CHIA: variants seen among roughly 807,000 people sequenced by gnomAD.
The protein encoded by CHIA is chitinase acidic, also known as acidic mammalian chitinase.
CHIA carries 47 observed loss-of-function variants against 53.5 expected under a neutral mutation model. The observed-to-expected ratio is 0.88, with a 90% CI of 0.70 to 1.12. CHIA has a LOEUF of 1.12. Among genes scored for constraint, CHIA ranks in the 50% most tolerant of loss-of-function variants. The probability of loss-of-function intolerance (pLI) is 0.00; values close to 1 mark genes in which losing one functional copy is unlikely to be tolerated. For missense variants in CHIA, 652 were observed against 592.2 expected (o/e 1.10, Z -1.05); for synonymous variants, 268 against 222.2 (o/e 1.21, Z -1.83).
intron 1 of CHIA, 95 bp downstream of exon 1, chr1:111,291,045 A>T (rs1470885520): frequency 3.3e-6 from 1 of 303,750 alleles, no homozygotes; most frequent in Non-Finnish European, 6.5e-6. Context: ...GTTGTTTATT[A>T]TATCGTTTGC....
chr1:111,291,318 A>T (rs775277142), intron 1 of CHIA, among the ~76,000 whole-genome samples: 2 of 152,232 alleles, frequency 1.3e-5, no homozygotes, highest in Non-Finnish European at 2.9e-5. Flanking sequence ...ACATCACGGA[A>T]TACTATGCAG....
intron 6 of CHIA, chr1:111,317,177 A>C (rs141526770): frequency 8.7e-4 from 137 of 157,338 alleles, no homozygotes; most frequent in Middle Eastern, 3.4e-3. Flanking sequence ...ACTCCAAATG[A>C]GATTACAGTC....
At chr1:111,313,422 C>G (rs1648870945) in intron 4 of CHIA, among the ~76,000 whole-genome samples, 1 of 152,060 alleles carries the variant, frequency 6.6e-6, no homozygotes, top group Non-Finnish European at 1.5e-5. Context: ...ATTTTTTATA[C>G]ACTTGTTGAC....
intron 1 of CHIA, among the ~76,000 whole-genome samples, chr1:111,307,590 GT>G (rs1648285064): frequency 6.6e-6 from 1 of 151,546 alleles, no homozygotes; most frequent in Admixed American, 6.6e-5. Flanking sequence ...AATAGTCAAA[GT>G]TAATGTTATT....
chr1:111,310,280 G>A, intron 1 of CHIA, 120 bp from the exon 2 acceptor site: 4 of 1,167,778 alleles, frequency 3.4e-6, no homozygotes, highest in Non-Finnish European at 4.6e-6. Flanking sequence ...AGAGAAGGTG[G>A]TGATGCTGGT....
chr1:111,310,264 T>A, intron 1 of CHIA, 136 bp from the exon 2 acceptor site: 1 of 1,024,204 alleles, frequency 9.8e-7, no homozygotes, highest in Non-Finnish European at 1.4e-6. Context: ...TCTGTCCTTG[T>A]TGGGCAGAGA....
rs200134913 is a variant in CHIA, at chr1:111,318,017, G to A, written c.637G>A (p.Asp213Asn). 22 of 1,614,056 alleles carry A rather than the reference G, an allele frequency of 1.4e-5. 1 individual carries two copies. In the East Asian group the frequency reaches 2.2e-4, roughly 16 times the overall value. ...YLDYIHVMTY[D>N]LHGSWEGYTG... is the part of the protein sequence containing the mutation. ...GGACTACATCCATGTCATGACCTAC[G>A]ACCTCCATGGCTCCTGGGAGGGCTA... The change falls in exon 8 of 12, where the codon GAC becomes AAC. Residue 213 changes from aspartate (D) to asparagine (N), a missense_variant. Coordinates refer to ENST00000369740, the MANE Select transcript of CHIA (RefSeq NM_201653.4).
chr1:111,299,044 G>A (rs984617080), intron 1 of CHIA, among the ~76,000 whole-genome samples: 93 of 152,130 alleles, frequency 6.1e-4, no homozygotes, highest in African/African-American at 2.1e-3. Context: ...CCAGGAAGAA[G>A]TGGAATCTCT....
chr1:111,305,596 C>T (rs1290279754), intron 1 of CHIA, among the ~76,000 whole-genome samples: 1 of 152,188 alleles, frequency 6.6e-6, no homozygotes, highest in East Asian at 1.9e-4. Context: ...AAATTAACTT[C>T]AATTTACCTA....
chr1:111,317,556 G>A (rs148354728), intron 6 of CHIA, 125 bp from the exon 7 acceptor site: 11,712 of 1,098,816 alleles, frequency 0.011, 89 homozygotes, highest in South Asian at 0.011. Flanking sequence ...AGAGACTAAA[G>A]TAAAATAAAA....
At chr1:111,301,302 T>A (rs185913779) in intron 1 of CHIA, among the ~76,000 whole-genome samples, 2 of 152,326 alleles carry the variant, frequency 1.3e-5, no homozygotes, top group African/African-American at 4.8e-5. Context: ...GCGGCACTAT[T>A]CACAATAGCA....
intron 6 of CHIA, chr1:111,315,849 C>T (rs1468641601): frequency 4.5e-6 from 2 of 448,598 alleles, no homozygotes; most frequent in Non-Finnish European, 8.9e-6. Flanking sequence ...CTAAGCATTA[C>T]ACTAGGCTGC....
At chr1:111,314,436 G>A (rs758134846) in intron 4 of CHIA, 104 bp from the exon 5 acceptor site, 9 of 749,524 alleles carry the variant, frequency 1.2e-5, no homozygotes, top group South Asian at 1.9e-5. Context: ...TCTACAAAAG[G>A]CAAAACAAAA....
intron 5 of CHIA, 48 bp from the exon 6 acceptor site, chr1:111,315,222 T>A (rs1380839203): frequency 7.0e-7 from 1 of 1,427,560 alleles, no homozygotes; most frequent in Non-Finnish European, 9.8e-7. Flanking sequence ...TACTCCAAGG[T>A]GTTGGGACCA....
chr1:111,309,259 C>T (rs550041128), intron 1 of CHIA, among the ~76,000 whole-genome samples: 5 of 152,294 alleles, frequency 3.3e-5, no homozygotes, highest in Non-Finnish European at 7.4e-5. Flanking sequence ...CTTAACCTAC[C>T]AATCACAGGA....
chr1:111,318,649 A>G lies in CHIA; in HGVS notation c.886A>G (p.Lys296Glu). The G allele has an allele frequency of 1.2e-6, 2 of 1,614,090 alleles. No homozygotes were observed. Among genetic ancestry groups the G allele is most frequent in the East Asian group, 2.2e-5 (1 of 44,882 alleles). ...SGAGPAGPYA[K>E]ESGIWAYYEI... Reference sequence around the variant, plus strand: ...TGCTGGTCCTGCTGGGCCCTATGCCAAGGAGTCTGGGATCTGGGCTTACTA... The same window carrying G: ...TGCTGGTCCTGCTGGGCCCTATGCCGAGGAGTCTGGGATCTGGGCTTACTA... The change falls in exon 9 of 12, where the codon AAG becomes GAG. Residue 296 changes from lysine to glutamate, a missense_variant. Physicochemically the swap from Lys to Glu is moderately conservative, Grantham distance 56. Transcript: ENST00000369740.
intron 5 of CHIA, chr1:111,314,901 C>T (rs1649020959): frequency 5.0e-6 from 2 of 398,464 alleles, no homozygotes; most frequent in African/African-American, 2.0e-5. Flanking sequence ...TGTTATAATG[C>T]TTCCCTCTAT....
chr1:111,311,808 CAGAT>C, intron 3 of CHIA, 90 bp downstream of exon 3: 1 of 1,379,512 alleles, frequency 7.2e-7, no homozygotes. Context: ...GCTTCACAGA[CAGAT>C]GGGTTTGATT....
chr1:111,299,059 A>G (rs1647479472), intron 1 of CHIA, among the ~76,000 whole-genome samples: 1 of 152,194 alleles, frequency 6.6e-6, no homozygotes, highest in Non-Finnish European at 1.5e-5. Flanking sequence ...ATCTCTGAAT[A>G]GATCAATAAC....
Sources: gnomAD v4.1 joint callset for allele counts (sites outside exome capture counted in the v4.1 genomes callset) on GRCh38, gnomAD v4.1.1 for gene constraint, MANE v1.5 for transcripts, NCBI Gene and HGNC (gene_info 2026-07-23, HGNC 2026-07-21) for gene names.